The following SAMTOR variants were observed in gnomAD, a reference collection of about 807,000 sequenced individuals.
The protein encoded by SAMTOR is S-adenosylmethionine sensor upstream of mTORC1, also known as UPF0532 protein C7orf60.
At chr7:112,845,169 A>C in the SAMTOR span, among the ~76,000 whole-genome samples, 1 of 152,216 alleles carries the variant, frequency 6.6e-6, no homozygotes, top group African/African-American at 2.4e-5. Context: ...ACCATTCTGG[A>C]CATAGGAATA....
the SAMTOR span, among the ~76,000 whole-genome samples, chr7:112,877,786 A>G: frequency 3.3e-5 from 5 of 152,102 alleles, no homozygotes; most frequent in Non-Finnish European, 7.3e-5. Flanking sequence ...AGACCTTGTG[A>G]GACCTTGTGA....
the SAMTOR span, among the ~76,000 whole-genome samples, chr7:112,905,910 TAA>T: frequency 7.2e-5 from 11 of 152,106 alleles, no homozygotes; most frequent in African/African-American, 1.4e-4. Context: ...GTCAAATGAA[TAA>T]GAGAGGAAGA....
the SAMTOR span, among the ~76,000 whole-genome samples, chr7:112,864,600 T>C: frequency 1.6e-4 from 25 of 152,302 alleles, no homozygotes; most frequent in East Asian, 3.9e-3. Context: ...TCTGAAGTAC[T>C]TGACCACTCT....
the SAMTOR span, chr7:112,832,718 T>A: frequency 8.2e-7 from 1 of 1,219,210 alleles, no homozygotes; most frequent in Non-Finnish European, 1.2e-6. Context: ...AATATGAGAA[T>A]GTAAGAAATC....
the SAMTOR span, chr7:112,822,092 C>T: frequency 6.2e-7 from 1 of 1,613,482 alleles, no homozygotes; most frequent in Non-Finnish European, 8.5e-7. Context: ...TCCAGCTTTT[C>T]ATCATCATAG....
the SAMTOR span, among the ~76,000 whole-genome samples, chr7:112,930,799 T>C: frequency 6.6e-6 from 1 of 152,234 alleles, no homozygotes; most frequent in South Asian, 2.1e-4. Flanking sequence ...GCAGATATTT[T>C]ACTTTATAGA....
the SAMTOR span, chr7:112,939,861 A>C: frequency 2.5e-6 from 2 of 815,094 alleles, no homozygotes; most frequent in Non-Finnish European, 3.8e-6. Context: ...GAGGAGGCAG[A>C]GGAACCGGAG....
the SAMTOR span, among the ~76,000 whole-genome samples, chr7:112,886,741 G>C: frequency 6.6e-6 from 1 of 152,216 alleles, no homozygotes. Context: ...TACCTGGTAA[G>C]AAATCACTTG....
At chr7:112,924,694 A>G in the SAMTOR span, among the ~76,000 whole-genome samples, 2 of 152,234 alleles carry the variant, frequency 1.3e-5, no homozygotes, top group Admixed American at 6.5e-5. Context: ...ACTTAAAAAA[A>G]GCAGGGAAAA....
the SAMTOR span, among the ~76,000 whole-genome samples, chr7:112,897,490 T>C: frequency 1.3e-5 from 2 of 152,040 alleles, no homozygotes; most frequent in East Asian, 3.9e-4. Context: ...GGCAGTAAAA[T>C]ACTTAAAGGG....
the SAMTOR span, chr7:112,915,399 G>A: frequency 1.2e-6 from 2 of 1,613,260 alleles, no homozygotes; most frequent in Non-Finnish European, 1.7e-6. Flanking sequence ...TTCACAAAGA[G>A]TTTCTTCATC....
At chr7:112,914,316 G>T in the SAMTOR span, among the ~76,000 whole-genome samples, 3 of 140,150 alleles carry the variant, frequency 2.1e-5, no homozygotes, top group African/African-American at 2.7e-5. Context: ...ACTTTTGCAG[G>T]TTTGTTATAT....
chr7:112,862,008 C>T, the SAMTOR span, among the ~76,000 whole-genome samples: 2 of 152,100 alleles, frequency 1.3e-5, no homozygotes, highest in Non-Finnish European at 2.9e-5. Context: ...AATCCAAGAA[C>T]GTTGGGAGGC....
chr7:112,838,941 A>AG, the SAMTOR span, among the ~76,000 whole-genome samples: 1 of 151,860 alleles, frequency 6.6e-6, no homozygotes, highest in South Asian at 2.1e-4. Context: ...TTAGAATTAG[A>AG]GGTTTCATAA....
the SAMTOR span, among the ~76,000 whole-genome samples, chr7:112,824,935 T>C: frequency 0.081 from 12,336 of 152,254 alleles, 643 homozygotes; most frequent in Middle Eastern, 0.21. Context: ...TGTTTTGAGC[T>C]ATTATTCTAG....
the SAMTOR span, chr7:112,915,335 C>A: frequency 6.2e-7 from 1 of 1,612,834 alleles, no homozygotes; most frequent in East Asian, 2.2e-5. Flanking sequence ...GACCTTCGCC[C>A]TCACAAGTTT....
the SAMTOR span, among the ~76,000 whole-genome samples, chr7:112,867,559 A>C: frequency 3.5e-4 from 54 of 152,326 alleles, no homozygotes; most frequent in East Asian, 0.01. Context: ...GTACAATGCC[A>C]CTTAGTATGC....
At chr7:112,911,659 T>C in the SAMTOR span, among the ~76,000 whole-genome samples, 52 of 152,140 alleles carry the variant, frequency 3.4e-4, 1 homozygote, top group South Asian at 0.01. Flanking sequence ...AAATTTATTT[T>C]TTTAAAATAG....
At chr7:112,823,133 C>CAT in the SAMTOR span, among the ~76,000 whole-genome samples, 1 of 152,132 alleles carries the variant, frequency 6.6e-6, no homozygotes, top group Non-Finnish European at 1.5e-5. Flanking sequence ...ATCCCTCACT[C>CAT]ATGTTAGTGT....
Sources: gnomAD v4.1 joint callset for allele counts (sites outside exome capture counted in the v4.1 genomes callset) on GRCh38, gnomAD v4.1.1 for gene constraint, MANE v1.5 for transcripts, NCBI Gene and HGNC (gene_info 2026-07-23, HGNC 2026-07-21) for gene names.